ADD1: variants seen among roughly 807,000 people sequenced by gnomAD.
The protein encoded by ADD1 is adducin 1, also known as alpha-adducin.
In ADD1, 24 loss-of-function variants were observed where a neutral mutation model predicts 80.5. That is an observed-to-expected ratio of 0.30 (90% CI 0.22 to 0.42). The LOEUF is 0.42. Ranked by LOEUF, ADD1 falls within the 10% of genes least tolerant of loss-of-function variation. ADD1 has a pLI of 1.00. For synonymous variants in ADD1, 373 were observed against 393.8 expected (o/e 0.95, Z 0.63); for missense variants, 948 against 1,019.0 (o/e 0.93, Z 0.95).
chr4:2,899,467 C>T (rs1490101047), intron 9 of ADD1, 32 bp downstream of exon 9: 1 of 1,613,054 alleles, frequency 6.2e-7, no homozygotes, highest in Non-Finnish European at 8.5e-7. Flanking sequence ...GATGATAAAC[C>T]TTTTGTTCTA....
At chr4:2,888,934 GA>G (rs1733854559) in intron 4 of ADD1, among the ~76,000 whole-genome samples, 1 of 151,066 alleles carries the variant, frequency 6.6e-6, no homozygotes, top group Non-Finnish European at 1.5e-5. Flanking sequence ...TATATATATG[GA>G]GAGAGAGAGA....
chr4:2,908,085 G>A (rs561229354), intron 11 of ADD1, among the ~76,000 whole-genome samples: 8 of 152,318 alleles, frequency 5.3e-5, no homozygotes, highest in Admixed American at 3.9e-4. Context: ...TTTGCTCACC[G>A]GTCAGAATTG....
intron 14 of ADD1, among the ~76,000 whole-genome samples, chr4:2,916,750 T>G (rs1461929431): frequency 6.6e-6 from 1 of 152,218 alleles, no homozygotes; most frequent in Non-Finnish European, 1.5e-5. Context: ...GTGTTCTAAT[T>G]GTTCAATCCC....
chr4:2,868,249 T>G (rs1577480787), intron 1 of ADD1: 1 of 152,254 alleles, frequency 6.6e-6, no homozygotes, highest in Non-Finnish European at 1.5e-5. Context: ...TTGGGCTCCC[T>G]CCTGCCAGTA....
At chr4:2,899,660 G>C in intron 9 of ADD1, 1 of 571,372 alleles carries the variant, frequency 1.8e-6, no homozygotes, top group Non-Finnish European at 3.1e-6. Context: ...ATAACCTTGT[G>C]TTTGGACTCA....
chr4:2,879,427 C>T (rs895152249), intron 2 of ADD1, among the ~76,000 whole-genome samples: 1 of 152,130 alleles, frequency 6.6e-6, no homozygotes, highest in Non-Finnish European at 1.5e-5. Context: ...TCTAAAACAG[C>T]GCCTGGTACT....
chr4:2,928,561 TG>T lies in ADD1; in HGVS notation c.*40del. The T allele has an allele frequency of 6.3e-7, 1 of 1,581,512 alleles. No individual in the cohort carries two copies. The highest frequency in any genetic ancestry group is 8.6e-7 in the Non-Finnish European group (1 of 1,166,978). On this transcript the variant is annotated 3_prime_UTR_variant, in exon 16 of 16. Coordinates refer to ENST00000683351, the MANE Select transcript of ADD1 (RefSeq NM_001354761.2). Reference sequence around the variant, plus strand: ...AACACTGTCCTGTCCGGAGCGACCCTGGCTCTGCCAGCGTCCCCGGCCACGT... The same window carrying T: ...AACACTGTCCTGTCCGGAGCGACCCTGCTCTGCCAGCGTCCCCGGCCACGT...
At chr4:2,890,883 T>C (rs989606037) in intron 4 of ADD1, among the ~76,000 whole-genome samples, 1 of 152,210 alleles carries the variant, frequency 6.6e-6, no homozygotes, top group African/African-American at 2.4e-5. Context: ...TTTTCATCCT[T>C]AATTTTCTTC....
chr4:2,847,006 A>C (rs1726320581), intron 1 of ADD1, among the ~76,000 whole-genome samples: 1 of 151,962 alleles, frequency 6.6e-6, no homozygotes, highest in Non-Finnish European at 1.5e-5. Flanking sequence ...AGTCCCAGCT[A>C]CTCGGGAGGC....
At chr4:2,913,642 G>T (rs2237005) in intron 13 of ADD1, among the ~76,000 whole-genome samples, 29,885 of 151,690 alleles carry the variant, frequency 0.2, 3,138 homozygotes, top group East Asian at 0.47. Flanking sequence ...AGCATGCTAG[G>T]TGGTAACCCC....
At chr4:2,888,551 G>C (rs894647367) in intron 4 of ADD1, among the ~76,000 whole-genome samples, 8 of 151,292 alleles carry the variant, frequency 5.3e-5, no homozygotes, top group Non-Finnish European at 8.8e-5. Context: ...AAGTAGCAGG[G>C]ATTACAGGCA....
In ADD1 at chr4:2,866,479, AG is replaced by A. The variant is rs1225640780; in HGVS notation, c.-20-9415del. 2.1e-5 allele frequency among the ~76,000 whole-genome samples: 3 copies of A among 146,330 alleles called. No homozygotes were observed. The East Asian group carries it at 6.1e-4, about 30-fold the overall frequency. ...GCGTCAGCCTCTGTGCCTGGCCTGG[AG>A]GTTATTTTAAATCGTTTTTTTTTTT... is the stretch of plus-strand genomic sequence containing the variant. On this transcript the variant is annotated intron_variant, in intron 1 of 15. Coordinates refer to ENST00000683351, the MANE Select transcript of ADD1 (RefSeq NM_001354761.2).
chr4:2,892,755 A>T (rs1011442903), intron 4 of ADD1, among the ~76,000 whole-genome samples: 4 of 151,676 alleles, frequency 2.6e-5, no homozygotes, highest in Admixed American at 2.6e-4. Context: ...GGATCACTTG[A>T]GTCAGGAGGT....
At chr4:2,901,352 G>A (rs529240490) in intron 9 of ADD1, 1 of 152,334 alleles carries the variant, frequency 6.6e-6, no homozygotes, top group South Asian at 2.1e-4. Context: ...TGTGCTGAAA[G>A]CACATCCTAG....
At chr4:2,880,507 G>A (rs1732114661) in intron 2 of ADD1, among the ~76,000 whole-genome samples, 2 of 105,812 alleles carry the variant, frequency 1.9e-5, no homozygotes, top group East Asian at 3.1e-4. Context: ...ACGGAGTCTC[G>A]CTCTATCTCC....
chr4:2,869,253 G>A (rs1405268295), intron 1 of ADD1, among the ~76,000 whole-genome samples: 4 of 152,196 alleles, frequency 2.6e-5, no homozygotes, highest in Non-Finnish European at 4.4e-5. Context: ...TAAGATCAGG[G>A]TGTGGGCAGG....
At chr4:2,878,605 T>G (rs1307318413) in intron 2 of ADD1, among the ~76,000 whole-genome samples, 5 of 152,112 alleles carry the variant, frequency 3.3e-5, no homozygotes, top group Non-Finnish European at 1.5e-5. Flanking sequence ...AGAGTAAAGT[T>G]CCTGCCCACA....
At chr4:2,872,070 A>G (rs1324152815) in intron 1 of ADD1, among the ~76,000 whole-genome samples, 1 of 152,188 alleles carries the variant, frequency 6.6e-6, no homozygotes, top group African/African-American at 2.4e-5. Flanking sequence ...AGAGAAACCA[A>G]TTAGGAGGCC....
At position 2,906,397 on chromosome 4, in the gene ADD1, A is replaced by C. The variant is rs144271207; in HGVS notation, c.1506+1289A>C. On this transcript the variant is annotated intron_variant, in intron 10 of 15. Coordinates refer to ENST00000683351, the MANE Select transcript of ADD1 (RefSeq NM_001354761.2). ...AAGGAAGTGGGCGTTATAAAACAAAAAAAAAAAACCCCAAAACACCTTTCT... is the reference window on the plus strand; with the variant it reads ...AAGGAAGTGGGCGTTATAAAACAAACAAAAAAAACCCCAAAACACCTTTCT... Among the ~76,000 whole-genome samples the C allele has an allele frequency of 2.5e-4, 38 of 152,086 alleles. No individual in the cohort carries two copies. In the East Asian group the frequency reaches 3.5e-3, roughly 14 times the overall value.
Sources: allele counts gnomAD v4.1 joint callset (sites outside exome capture counted in the v4.1 genomes callset), GRCh38; gene constraint gnomAD v4.1.1; transcripts MANE v1.5; gene names NCBI Gene and HGNC (gene_info 2026-07-23, HGNC 2026-07-21).